CMIP: variants seen among roughly 807,000 people sequenced by gnomAD.
CMIP encodes the protein c-Maf inducing protein.
A neutral mutation model predicts 97.3 loss-of-function variants in CMIP; 13 were observed. That is an observed-to-expected ratio of 0.13 (90% CI 0.09 to 0.21). The LOEUF (loss-of-function observed/expected upper bound fraction) is 0.21, where lower values mean the gene tolerates loss of function less well. Ranked by LOEUF, CMIP falls within the 10% of genes least tolerant of loss-of-function variation. The probability of loss-of-function intolerance (pLI) is 1.00; values close to 1 mark genes in which losing one functional copy is unlikely to be tolerated. For synonymous variants in CMIP, 538 were observed against 436.3 expected (o/e 1.23, Z -2.91); for missense variants, 847 against 1,024.9 (o/e 0.83, Z 2.37).
chr16:81,634,940 G>A (rs775214153), intron 3 of CMIP, among the ~76,000 whole-genome samples: 1 of 152,140 alleles, frequency 6.6e-6, no homozygotes, highest in African/African-American at 2.4e-5. Context: ...GCCTGGCAAG[G>A]GAAATCCTTA....
intron 1 of CMIP, among the ~76,000 whole-genome samples, chr16:81,563,903 C>G (rs1039087457): frequency 6.6e-6 from 1 of 152,250 alleles, no homozygotes; most frequent in Non-Finnish European, 1.5e-5. Flanking sequence ...GCTGGACACC[C>G]AACCCCATGC....
Position 81,445,225 on chromosome 16 carries a change from C to T in CMIP, c.-17C>T, listed in dbSNP as rs974526738. 3.3e-6 allele frequency: 5 copies of T among 1,502,342 alleles called. No individual in the cohort carries two copies. The highest frequency in any genetic ancestry group is 2.1e-5 in the Admixed American group (1 of 48,642). 93.1% of individuals were successfully genotyped at this position (1,502,342 alleles called of 1,614,324 possible). A position where few individuals can be genotyped will look rare whatever the true frequency, so the allele number is the denominator to read the frequency against. On this transcript the variant is annotated 5_prime_UTR_variant, in exon 1 of 21. Transcript: ENST00000537098. ...AGCCCCCTCTCCCCGCCCCCAGCCCCCTCCCCCGGCGCGGCCATGGATGTG... is the reference window on the plus strand; with the variant it reads ...AGCCCCCTCTCCCCGCCCCCAGCCCTCTCCCCCGGCGCGGCCATGGATGTG...
Position 81,569,128 on chromosome 16 carries a change from G to T in CMIP, c.301-38439G>T, listed in dbSNP as rs149031616. On this transcript the variant is annotated intron_variant, in intron 1 of 20. Transcript: ENST00000537098. Reference sequence around the variant, plus strand: ...TGCTTTCCCTTCTGGGTGCATAATCGCCCTCCTCTAAATTGGATGCTCTTG... The same window carrying T: ...TGCTTTCCCTTCTGGGTGCATAATCTCCCTCCTCTAAATTGGATGCTCTTG... 1.2e-3 allele frequency among the ~76,000 whole-genome samples: 184 copies of T among 152,206 alleles called. 1 individual carries two copies. The highest frequency in any genetic ancestry group is 4.0e-3 in the African/African-American group (166 of 41,516).
chr16:81,481,830 C>T (rs1195434638), intron 1 of CMIP, among the ~76,000 whole-genome samples: 1 of 151,664 alleles, frequency 6.6e-6, no homozygotes, highest in Non-Finnish European at 1.5e-5. Context: ...TCACTCCAAC[C>T]TCTGCTTCAG....
At chr16:81,509,627 G>C (rs941808557) in intron 1 of CMIP, among the ~76,000 whole-genome samples, 2 of 152,152 alleles carry the variant, frequency 1.3e-5, no homozygotes, top group African/African-American at 2.4e-5. Context: ...TGAGCAGGTC[G>C]AGCCAGGGCG....
intron 4 of CMIP, among the ~76,000 whole-genome samples, chr16:81,654,546 T>G (rs911714183): frequency 6.6e-6 from 1 of 152,212 alleles, no homozygotes; most frequent in African/African-American, 2.4e-5. Flanking sequence ...TCACCCTACT[T>G]TACTGAAGAG....
intron 3 of CMIP, among the ~76,000 whole-genome samples, chr16:81,629,261 G>T (rs912090282): frequency 2.8e-4 from 42 of 149,254 alleles, no homozygotes; most frequent in Middle Eastern, 3.4e-3. Context: ...CAGCACAGCC[G>T]CTGTCAGACC....
At chr16:81,475,039 G>A (rs1397672885) in intron 1 of CMIP, among the ~76,000 whole-genome samples, 2 of 152,324 alleles carry the variant, frequency 1.3e-5, no homozygotes, top group East Asian at 3.9e-4. Context: ...GTGGCCTTGT[G>A]GCTTCATGAA....
chr16:81,456,065 C>T (rs1278125766), intron 1 of CMIP, among the ~76,000 whole-genome samples: 1 of 152,186 alleles, frequency 6.6e-6, no homozygotes, highest in Admixed American at 6.5e-5. Context: ...ATCTGTTTGT[C>T]GCCCTGGTTG....
At chr16:81,658,160 C>T (rs949255026) in intron 5 of CMIP, among the ~76,000 whole-genome samples, 2 of 152,214 alleles carry the variant, frequency 1.3e-5, no homozygotes, top group African/African-American at 4.8e-5. Flanking sequence ...GAAAGGTAAA[C>T]GTTCTCTTTC....
intron 1 of CMIP, among the ~76,000 whole-genome samples, chr16:81,577,715 C>G (rs2091220752): frequency 6.6e-6 from 1 of 150,450 alleles, no homozygotes; most frequent in Non-Finnish European, 1.5e-5. Flanking sequence ...ACCATCATCA[C>G]CATCACCTTC....
chr16:81,505,106 C>G (rs564848656), intron 1 of CMIP, among the ~76,000 whole-genome samples: 2 of 152,206 alleles, frequency 1.3e-5, no homozygotes, highest in Non-Finnish European at 2.9e-5. Flanking sequence ...CTCATCTGAT[C>G]GTGCAGTGAC....
At chr16:81,511,937 G>C (rs1022623628) in intron 1 of CMIP, among the ~76,000 whole-genome samples, 27 of 152,108 alleles carry the variant, frequency 1.8e-4, no homozygotes, top group African/African-American at 6.5e-4. Flanking sequence ...CTTGAAATGA[G>C]GTCCTCATTG....
chr16:81,524,639 G>A (rs2090092604), intron 1 of CMIP, among the ~76,000 whole-genome samples: 1 of 152,226 alleles, frequency 6.6e-6, no homozygotes, highest in Non-Finnish European at 1.5e-5. Flanking sequence ...GAAGTAACTT[G>A]CCCACGGTGG....
At chr16:81,670,391 G>C in intron 8 of CMIP, 146 bp downstream of exon 8, 1 of 818,962 alleles carries the variant, frequency 1.2e-6, no homozygotes, top group African/African-American at 1.7e-5. Context: ...CACGGTGCCC[G>C]ATAGGAACTC....
chr16:81,646,455 A>G (rs1157509099), intron 3 of CMIP, among the ~76,000 whole-genome samples: 1 of 152,204 alleles, frequency 6.6e-6, no homozygotes, highest in Non-Finnish European at 1.5e-5. Context: ...CTACCTCCCT[A>G]GGATAGCATT....
intron 1 of CMIP, among the ~76,000 whole-genome samples, chr16:81,587,164 G>A (rs2091396017): frequency 6.6e-6 from 1 of 152,224 alleles, no homozygotes; most frequent in African/African-American, 2.4e-5. Context: ...GTTTATACAG[G>A]AGAAAGGGAA....
chr16:81,452,514 G>A (rs974467630), intron 1 of CMIP, among the ~76,000 whole-genome samples: 3 of 152,166 alleles, frequency 2.0e-5, no homozygotes, highest in African/African-American at 7.2e-5. Flanking sequence ...AAAATCCGAT[G>A]ACAGGGATCG....
chr16:81,453,268 C>T lies in CMIP; in HGVS notation c.300+7727C>T, dbSNP rs547930302. ...GAGCGACTAAACTGATTGTGCTGGGCGAACTCTTTTTGGAGGGAAGCACGT... is the reference window on the plus strand; with the variant it reads ...GAGCGACTAAACTGATTGTGCTGGGTGAACTCTTTTTGGAGGGAAGCACGT... On this transcript the variant is annotated intron_variant, in intron 1 of 20. Coordinates refer to ENST00000537098, the MANE Select transcript of CMIP (RefSeq NM_198390.3). This position sits in a 1 kb window ranked among gnomAD's most constrained non-coding sequence, Gnocchi z 4.0. Among the ~76,000 whole-genome samples the T allele has an allele frequency of 2.0e-5, 3 of 152,250 alleles. No homozygotes were observed. Among genetic ancestry groups the T allele is most frequent in the East Asian group, 1.9e-4 (1 of 5,188 alleles).
Sources: allele counts gnomAD v4.1 joint callset (sites outside exome capture counted in the v4.1 genomes callset), GRCh38; gene constraint gnomAD v4.1.1; non-coding constraint Gnocchi (gnomAD v3.1); transcripts MANE v1.5; gene names NCBI Gene and HGNC (gene_info 2026-07-23, HGNC 2026-07-21).